The following IL16 variants were observed in gnomAD, a reference collection of about 807,000 sequenced individuals.
The protein encoded by IL16 is pro-interleukin-16.
IL16 carries 67 observed loss-of-function variants against 110.1 expected under a neutral mutation model. The observed-to-expected ratio is 0.61, with a 90% CI of 0.50 to 0.75. The LOEUF (loss-of-function observed/expected upper bound fraction) is 0.75, where lower values mean the gene tolerates loss of function less well. Ranked by LOEUF, IL16 falls within the 30% of genes least tolerant of loss-of-function variation. The pLI, the probability that IL16 is intolerant of heterozygous loss-of-function variation, is 0.00. For synonymous variants in IL16, 689 were observed against 662.9 expected (o/e 1.04, Z -0.61); for missense variants, 1,545 against 1,655.0 (o/e 0.93, Z 1.15).
rs542032585 is a variant in IL16, at chr15:81,204,993, C to A, written c.-102+7841C>A. Among the ~76,000 whole-genome samples the A allele has an allele frequency of 2.6e-5, 4 of 152,114 alleles. No homozygotes were observed. The East Asian group carries it at 5.8e-4, about 22-fold the overall frequency. ...TAAGTCTCAGTGACGGTTGTTAATA[C>A]GATTTTGAAATAAAGCAAATGATAA... is the stretch of plus-strand genomic sequence containing the variant. On this transcript the variant is annotated intron_variant, in intron 1 of 18. Coordinates refer to ENST00000683961, the MANE Select transcript of IL16 (RefSeq NM_172217.5).
upstream of IL16, chr15:81,196,796 C>G (rs185342940): frequency 2.8e-6 from 3 of 1,085,112 alleles, no homozygotes; most frequent in Non-Finnish European, 2.3e-6. Context: ...TGGCAGCCCC[C>G]CTTTTTGGAT....
intron 6 of IL16, among the ~76,000 whole-genome samples, chr15:81,274,161 C>T (rs1321399060): frequency 1.3e-5 from 2 of 152,204 alleles, no homozygotes; most frequent in Non-Finnish European, 2.9e-5. Context: ...TGCTGGGAGC[C>T]TAACCACCTT....
Position 81,229,513 on chromosome 15 carries a change from A to G in IL16, c.312+3802A>G, listed in dbSNP as rs192898222. The stretch of plus-strand genomic sequence containing the variant: ...GGACAACAGAGAGGGGCATTGTCCA[A>G]TTCAGAACCTGAGCTCTCTTGTTCT... On this transcript the variant is annotated intron_variant, in intron 2 of 18. Transcript: ENST00000683961. Among the ~76,000 whole-genome samples, 594 of 152,188 alleles carry G rather than the reference A, an allele frequency of 3.9e-3. 3 individuals carry two copies. Among genetic ancestry groups the G allele is most frequent in the African/African-American group, 0.012 (508 of 41,490 alleles).
intron 1 of IL16, among the ~76,000 whole-genome samples, chr15:81,187,663 A>G (rs1025942004): frequency 6.6e-6 from 1 of 152,124 alleles, no homozygotes; most frequent in Admixed American, 6.5e-5. Flanking sequence ...GTTGCTTTCA[A>G]TTTTTGCTGA....
At chr15:81,245,724 CTTTTTTTTT>C (rs1009292228) in intron 2 of IL16, among the ~76,000 whole-genome samples, 2 of 61,282 alleles carry the variant, frequency 3.3e-5, no homozygotes, top group Non-Finnish European at 3.0e-5. Flanking sequence ...TTTGTTTTGG[CTTTTTTTTT>C]TTTTTTTTTT....
rs575039131 is a variant in IL16, at chr15:81,272,925, T to G, written c.676-165T>G. 6.0e-4 allele frequency among the ~76,000 whole-genome samples: 88 copies of G among 146,234 alleles called. No homozygotes were observed. The South Asian group carries it at 9.6e-3, about 16-fold the overall frequency. ...CCTATTTTTGTTGTTGTTGTTGGTG[T>G]TGTTGTTGTTGTTGTTGTTAACCTC... On this transcript the variant is annotated intron_variant, in intron 5 of 18. Coordinates refer to ENST00000683961, the MANE Select transcript of IL16 (RefSeq NM_172217.5).
At position 81,311,985 on chromosome 15, in the gene IL16, A is replaced by T. The variant is rs1219132122; in HGVS notation, c.*3187A>T. 1 of 152,260 alleles carries T rather than the reference A, an allele frequency of 6.6e-6. No individual in the cohort carries two copies. Among genetic ancestry groups the T allele is most frequent in the Non-Finnish European group, 1.5e-5 (1 of 68,054 alleles). 9.4% of individuals were successfully genotyped at this position (152,260 alleles called of 1,614,324 possible). ...CAGGACTCAAAAATAGGGAAGTAAC[A>T]GTAACGCAGGGGAAACGTTTTCTGT... On this transcript the variant is annotated 3_prime_UTR_variant, in exon 19 of 19. Coordinates refer to ENST00000683961, the MANE Select transcript of IL16 (RefSeq NM_172217.5).
intron 2 of IL16, among the ~76,000 whole-genome samples, chr15:81,235,896 G>C (rs1036577020): frequency 6.6e-6 from 1 of 152,112 alleles, no homozygotes; most frequent in Non-Finnish European, 1.5e-5. Context: ...TATTGCTTTG[G>C]GCATTCCCAT....
At chr15:81,197,290 G>C (rs191753582) in intron 1 of IL16, 138 bp downstream of exon 1, 22 of 445,734 alleles carry the variant, frequency 4.9e-5, no homozygotes, top group Non-Finnish European at 7.6e-5. Flanking sequence ...GCTGGGGTCA[G>C]GGGCAGGAGC....
chr15:81,226,116 G>C (rs890238376), intron 2 of IL16, among the ~76,000 whole-genome samples: 2 of 152,200 alleles, frequency 1.3e-5, no homozygotes, highest in African/African-American at 4.8e-5. Context: ...AGAGAAGGAG[G>C]CCTTATGGCA....
chr15:81,255,800 T>C (rs538372558), intron 2 of IL16, among the ~76,000 whole-genome samples: 6 of 152,366 alleles, frequency 3.9e-5, no homozygotes, highest in Admixed American at 3.9e-4. Flanking sequence ...CTCCACTTCC[T>C]ATGATTCTCC....
At chr15:81,227,302 C>T (rs1411602418) in intron 2 of IL16, among the ~76,000 whole-genome samples, 5 of 152,002 alleles carry the variant, frequency 3.3e-5, no homozygotes, top group Admixed American at 2.6e-4. Context: ...ACTATGAAGA[C>T]ATATTAAGCA....
At position 81,309,025 on chromosome 15, in the gene IL16, T is replaced by C. The variant is rs1900718560; in HGVS notation, c.*227T>C. On this transcript the variant is annotated 3_prime_UTR_variant, in exon 19 of 19. Coordinates refer to ENST00000683961, the MANE Select transcript of IL16 (RefSeq NM_172217.5). ...GGGGCAGCTGATACAAATTGCAGAC[T>C]GTGTAAAAAGAGAGCTTAATGATAA... 1 of 470,592 alleles carries C rather than the reference T, an allele frequency of 2.1e-6. No individual in the cohort carries two copies. The highest frequency in any genetic ancestry group is 3.8e-6 in the Non-Finnish European group (1 of 266,658). The allele number at this position is 470,592 out of a possible 1,614,324, so 29.2% of individuals were successfully genotyped here.
chr15:81,190,114 T>TC (rs1163633121), intron 1 of IL16, among the ~76,000 whole-genome samples: 2 of 152,202 alleles, frequency 1.3e-5, no homozygotes, highest in Non-Finnish European at 2.9e-5. Context: ...CTCAACTGCC[T>TC]CCACACCCTT....
intron 8 of IL16, among the ~76,000 whole-genome samples, chr15:81,282,058 T>C (rs1402379427): frequency 6.6e-6 from 1 of 152,244 alleles, no homozygotes; most frequent in East Asian, 1.9e-4. Flanking sequence ...CATGCCATTG[T>C]TGACACAGCC....
intron 2 of IL16, among the ~76,000 whole-genome samples, chr15:81,252,425 G>T (rs1285223769): frequency 6.6e-6 from 1 of 152,190 alleles, no homozygotes; most frequent in Non-Finnish European, 1.5e-5. Flanking sequence ...AAGATTAAAG[G>T]CAGGGAAATT....
chr15:81,203,679 A>G (rs1171815549), intron 1 of IL16, among the ~76,000 whole-genome samples: 1 of 152,118 alleles, frequency 6.6e-6, no homozygotes, highest in Non-Finnish European at 1.5e-5. Context: ...CCATTGGTCT[A>G]TATCTCTGTT....
intron 2 of IL16, among the ~76,000 whole-genome samples, chr15:81,255,012 A>G (rs1056797393): frequency 2.0e-5 from 3 of 151,940 alleles, no homozygotes; most frequent in African/African-American, 7.3e-5. Flanking sequence ...ATAATTGACA[A>G]GCTCAGAGTC....
chr15:81,214,503 AG>A (rs1896355758), intron 1 of IL16, among the ~76,000 whole-genome samples: 2 of 151,940 alleles, frequency 1.3e-5, no homozygotes, highest in Admixed American at 1.3e-4. Flanking sequence ...GCTGCCTAAT[AG>A]GGTTCTTTCA....
Sources: allele counts gnomAD v4.1 joint callset (sites outside exome capture counted in the v4.1 genomes callset), GRCh38; gene constraint gnomAD v4.1.1; transcripts MANE v1.5; gene names NCBI Gene and HGNC (gene_info 2026-07-23, HGNC 2026-07-21).